UBXN11: variants seen among roughly 807,000 people sequenced by gnomAD.
UBXN11 encodes UBX domain-containing protein 11.
A neutral mutation model predicts 62.8 loss-of-function variants in UBXN11; 47 were observed. That is an observed-to-expected ratio of 0.75 (90% confidence interval 0.59 to 0.95). The LOEUF is 0.95. Ranked by LOEUF, UBXN11 falls within the 40% of genes least tolerant of loss-of-function variation. The probability of loss-of-function intolerance (pLI) is 0.00; values close to 1 mark genes in which losing one functional copy is unlikely to be tolerated. For missense variants in UBXN11, 638 were observed against 661.7 expected (o/e 0.96, Z 0.39); for synonymous variants, 294 against 267.0 (o/e 1.10, Z -0.99).
rs746374879 is a variant in UBXN11, at chr1:26,282,445, G to A, written c.1417C>T (p.Arg473Ter). The A allele has an allele frequency of 3.8e-5, 61 of 1,611,334 alleles. No individual in the cohort carries two copies. The highest frequency in any genetic ancestry group is 4.8e-5 in the Non-Finnish European group (57 of 1,179,284). ...AATTTCAGGCTGGACTTCGGGGCTC[G>A]GCGTGCCCGCAGCAGCAGTGCTGCT... ...PKAALLLRAR[R>*]APKSSLKFSP... The change falls in exon 15 of 15, where the codon CGA (arginine) becomes TGA (stop). Residue 473 changes from arginine (R) to a stop codon, truncating the protein, a stop_gained. Coordinates refer to ENST00000374222, the MANE Select transcript of UBXN11 (RefSeq NM_001389556.1). LOFTEE classifies it low-confidence loss of function (END_TRUNC).
At chr1:26,312,133 C>T (rs777770350) in intron 1 of UBXN11, among the ~76,000 whole-genome samples, 2 of 152,114 alleles carry the variant, frequency 1.3e-5, no homozygotes, top group Non-Finnish European at 2.9e-5. Context: ...AATTCCCACT[C>T]GATCCTTCAA....
Position 26,314,719 on chromosome 1 carries a change from A to C in UBXN11, c.-149+3328T>G, listed in dbSNP as rs147726142. On this transcript the variant is annotated intron_variant, in intron 1 of 14. Coordinates refer to the UBXN11 transcript ENST00000374217. The stretch of plus-strand genomic sequence containing the variant: ...AAGAGAAGTGACAAAATCTAGTCCC[A>C]ACCCACAAGGGACAGACCATATTCT... Among the ~76,000 whole-genome samples the C allele has an allele frequency of 1.9e-4, 29 of 152,346 alleles. 1 individual carries two copies. Among genetic ancestry groups the C allele is most frequent in the Non-Finnish European group, 3.2e-4 (22 of 68,036 alleles).
At chr1:26,284,002 G>C in intron 12 of UBXN11, 140 bp downstream of exon 12, 1 of 886,124 alleles carries the variant, frequency 1.1e-6, no homozygotes, top group Non-Finnish European at 1.7e-6. Context: ...GTTTCCAGGA[G>C]ACAGTGGAGC....
At position 26,301,017 on chromosome 1, in the gene UBXN11, C is replaced by G; in HGVS notation, c.108G>C (p.Glu36Asp). ...CACACCCATCACTCAACATGTCCAC[C>G]TCATCTTCTGCAGACAGGGATGCCT... The part of the protein sequence containing the change: ...RGIRIYGDED[E>D]VDMLSDGCGS... The change falls in exon 4 of 15, where the codon GAG becomes GAC. Residue 36 changes from glutamate (E) to aspartate (D), a missense_variant. By Grantham distance (45) the Glu-to-Asp change is conservative. Transcript: ENST00000374222. The G allele has an allele frequency of 6.2e-7, 1 of 1,614,250 alleles. No homozygotes were observed. The highest frequency in any genetic ancestry group is 8.5e-7 in the Non-Finnish European group (1 of 1,180,024).
chr1:26,289,829 T>A (rs3924325), intron 8 of UBXN11, among the ~76,000 whole-genome samples: 2 of 152,246 alleles, frequency 1.3e-5, no homozygotes, highest in Non-Finnish European at 1.5e-5. Context: ...CCGCCCTCCA[T>A]GTGCCTGCCC....
chr1:26,283,290 G>T (rs188547273), intron 12 of UBXN11, among the ~76,000 whole-genome samples: 28 of 152,292 alleles, frequency 1.8e-4, no homozygotes, highest in African/African-American at 6.7e-4. Context: ...CCTTAGAAAT[G>T]GAATGGATGC....
intron 3 of UBXN11, 108 bp from the exon 4 acceptor site, chr1:26,301,132 G>A: frequency 6.4e-7 from 1 of 1,568,272 alleles, no homozygotes; most frequent in South Asian, 1.2e-5. Context: ...GCCCCAGGGA[G>A]TTTGAGGAGA....
intron 3 of UBXN11, among the ~76,000 whole-genome samples, chr1:26,301,358 G>A (rs1291923175): frequency 1.3e-5 from 2 of 152,196 alleles, no homozygotes; most frequent in Non-Finnish European, 1.5e-5. Flanking sequence ...GGAGGCTGGA[G>A]GGGGAAGGGG....
intron 8 of UBXN11, among the ~76,000 whole-genome samples, chr1:26,286,794 G>GT (rs2073143348): frequency 6.6e-6 from 1 of 152,132 alleles, no homozygotes; most frequent in Admixed American, 6.5e-5. Flanking sequence ...TGCCTCCTGG[G>GT]TTCAAGCGAT....
chr1:26,285,556 G>A lies in UBXN11; in HGVS notation c.775-15C>T, dbSNP rs746951565. 6.4e-7 allele frequency: 1 copy of A among 1,553,606 alleles called. No individual in the cohort carries two copies. The highest frequency in any genetic ancestry group is 1.4e-5 in the African/African-American group (1 of 73,500). The stretch of plus-strand genomic sequence containing the variant: ...CGGAGGCAGCGCTGCAAGGGAAGAG[G>A]AAAAGTGAGGGGGTGGCCTGGGCCT... On this transcript the variant is annotated splice_polypyrimidine_tract_variant and intron_variant, in intron 9 of 14. Coordinates refer to ENST00000374222, the MANE Select transcript of UBXN11 (RefSeq NM_001389556.1).
Position 26,297,956 on chromosome 1 carries a change from C to G in UBXN11, c.300+6G>C, listed in dbSNP as rs746522029. 3 of 1,613,126 alleles carry G rather than the reference C, an allele frequency of 1.9e-6. No homozygotes were observed. Among genetic ancestry groups the G allele is most frequent in the Non-Finnish European group, 2.5e-6 (3 of 1,179,614 alleles). On this transcript the variant is annotated splice_donor_region_variant and intron_variant, in intron 5 of 14. Coordinates refer to ENST00000374222, the MANE Select transcript of UBXN11 (RefSeq NM_001389556.1). ...GCCCCTGGCCCTCTCCCACCTGGAG[C>G]CCCACCTTGGACAGTATCTCATCAG...
chr1:26,284,130 C>A lies in UBXN11; in HGVS notation c.1077+12G>T. ...CCCCCAGGAGGGCTGGGGGAGTTAG[C>A]ATTGGCCTCACCTGCAAGGTGTCCC... On this transcript the variant is annotated intron_variant, in intron 12 of 14. Coordinates refer to ENST00000374222, the MANE Select transcript of UBXN11 (RefSeq NM_001389556.1). 1 of 1,594,264 alleles carries A rather than the reference C, an allele frequency of 6.3e-7. No individual in the cohort carries two copies. Among genetic ancestry groups the A allele is most frequent in the Non-Finnish European group, 8.5e-7 (1 of 1,170,132 alleles).
chr1:26,300,876 G>T, intron 4 of UBXN11, 50 bp downstream of exon 4: 1 of 1,613,498 alleles, frequency 6.2e-7, no homozygotes, highest in Non-Finnish European at 8.5e-7. Flanking sequence ...CCCGTCTCTG[G>T]GGCCCCCTCC....
chr1:26,288,933 G>T (rs1454202584), intron 8 of UBXN11, among the ~76,000 whole-genome samples: 1 of 152,116 alleles, frequency 6.6e-6, no homozygotes, highest in Non-Finnish European at 1.5e-5. Flanking sequence ...TCTCAATATT[G>T]GTTCTTGAGA....
chr1:26,296,465 G>A lies in UBXN11; in HGVS notation c.432+454C>T, dbSNP rs548575563. ...GGACAGTGGAACTGACCTGGGGGAG[G>A]TGGGGAAACATTTCAGCAGAGGGAA... On this transcript the variant is annotated intron_variant, in intron 7 of 14. Transcript: ENST00000374222. Among the ~76,000 whole-genome samples, 8 of 152,190 alleles carry A rather than the reference G, an allele frequency of 5.3e-5. No homozygotes were observed. In the South Asian group the frequency reaches 1.0e-3, roughly 20 times the overall value.
intron 1 of UBXN11, among the ~76,000 whole-genome samples, chr1:26,317,609 A>C (rs1218011511): frequency 2.0e-5 from 3 of 152,150 alleles, no homozygotes; most frequent in Non-Finnish European, 4.4e-5. Flanking sequence ...ATTACATGTA[A>C]TCCGGCAGTT....
In UBXN11 at chr1:26,300,832, G is replaced by A. The variant is rs1267476906; in HGVS notation, c.199+94C>T. ...GAAGCAGCTGCCTCAGACCAAACAG[G>A]CGAGAGGAAGGGCCATGCCTCCCTA... On this transcript the variant is annotated intron_variant, in intron 4 of 14. Transcript: ENST00000374222. 1.9e-6 allele frequency: 3 copies of A among 1,587,158 alleles called. No homozygotes were observed. The Admixed American group carries it at 5.3e-5, about 28-fold the overall frequency.
At chr1:26,317,898 T>C (rs2124684379) in intron 1 of UBXN11, 1 of 837,554 alleles carries the variant, frequency 1.2e-6, no homozygotes, top group East Asian at 2.4e-5. Flanking sequence ...TTCCTCTCCC[T>C]ACCTCACCCC....
chr1:26,313,185 C>G (rs1211644222), intron 1 of UBXN11, among the ~76,000 whole-genome samples: 1 of 151,980 alleles, frequency 6.6e-6, no homozygotes, highest in African/African-American at 2.4e-5. Flanking sequence ...TCTCCTTCCT[C>G]CCTCCCTGCT....
Sources: gnomAD v4.1 joint callset for allele counts (sites outside exome capture counted in the v4.1 genomes callset) on GRCh38, gnomAD v4.1.1 for gene constraint, MANE v1.5 for transcripts, NCBI Gene and HGNC (gene_info 2026-07-23, HGNC 2026-07-21) for gene names.